The following PRELID2 variants were observed in gnomAD, a reference collection of about 807,000 sequenced individuals.
The protein encoded by PRELID2 is PRELI domain-containing protein 2.
Under a neutral mutation model 28.4 loss-of-function variants are expected in PRELID2, and 25 were observed. That is an observed-to-expected ratio of 0.88 (90% CI 0.64 to 1.23). PRELID2 has a LOEUF of 1.23. PRELID2 is among the 50% of genes most tolerant of loss of function. PRELID2 has a pLI of 0.00. For synonymous variants in PRELID2, 76 were observed against 71.6 expected (o/e 1.06, Z -0.31); for missense variants, 201 against 214.4 (o/e 0.94, Z 0.39).
the PRELID2 span, among the ~76,000 whole-genome samples, chr5:145,327,263 A>C: frequency 1.3e-5 from 2 of 151,978 alleles, no homozygotes; most frequent in African/African-American, 4.8e-5. Context: ...TCCCTCTTTA[A>C]TTATGTGAAT....
intron 1 of PRELID2, among the ~76,000 whole-genome samples, chr5:145,507,972 T>C (rs1235486783): frequency 6.6e-6 from 1 of 152,124 alleles, no homozygotes; most frequent in African/African-American, 2.4e-5. Context: ...CTAATGTTAG[T>C]TCTCCTAGTT....
At chr5:145,819,875 C>T in intron 3 of PRELID2, 70 bp downstream of exon 3, 3 of 974,358 alleles carry the variant, frequency 3.1e-6, no homozygotes, top group Non-Finnish European at 4.9e-6. Context: ...TCAGAAAATG[C>T]TGTTCCTTTT....
chr5:145,550,081 G>C (rs1411215330), intron 1 of PRELID2, among the ~76,000 whole-genome samples: 1 of 152,180 alleles, frequency 6.6e-6, no homozygotes, highest in Admixed American at 6.5e-5. Flanking sequence ...TTGACTATGA[G>C]CAGGGTTTAG....
chr5:145,371,232 A>G, the PRELID2 span, among the ~76,000 whole-genome samples: 41 of 152,232 alleles, frequency 2.7e-4, no homozygotes, highest in East Asian at 7.5e-3. Flanking sequence ...CCCATTCAAT[A>G]TGATATTGGC....
intron 5 of PRELID2, among the ~76,000 whole-genome samples, chr5:145,787,064 G>T (rs1272670749): frequency 6.6e-6 from 1 of 152,078 alleles, no homozygotes; most frequent in African/African-American, 2.4e-5. Context: ...CTAATAATGG[G>T]GCCTTGCCAG....
At chr5:145,801,478 A>G (rs1753137667) in intron 4 of PRELID2, among the ~76,000 whole-genome samples, 2 of 152,212 alleles carry the variant, frequency 1.3e-5, no homozygotes, top group African/African-American at 4.8e-5. Flanking sequence ...GCCTACAGAG[A>G]GGACTCTCCA....
At chr5:145,643,951 C>T (rs1239606068) in intron 1 of PRELID2, among the ~76,000 whole-genome samples, 1 of 152,068 alleles carries the variant, frequency 6.6e-6, no homozygotes, top group African/African-American at 2.4e-5. Flanking sequence ...CTATATTCAT[C>T]AGTGATATTG....
chr5:145,749,748 A>G (rs190100396), intron 1 of PRELID2, among the ~76,000 whole-genome samples: 7 of 152,316 alleles, frequency 4.6e-5, no homozygotes, highest in Admixed American at 3.9e-4. Context: ...GATAAAGAAA[A>G]TGTGGTACAT....
chr5:145,711,698 A>C (rs1755699595), intron 1 of PRELID2, among the ~76,000 whole-genome samples: 1 of 144,574 alleles, frequency 6.9e-6, no homozygotes, highest in South Asian at 2.2e-4. Flanking sequence ...CCTCCAATGC[A>C]CTCCAGTCCC....
chr5:145,321,649 C>A, the PRELID2 span, among the ~76,000 whole-genome samples: 1 of 152,158 alleles, frequency 6.6e-6, no homozygotes, highest in Non-Finnish European at 1.5e-5. Flanking sequence ...AAAGCACTGA[C>A]GTTTGGATAT....
chr5:145,785,579 C>T (rs1447398550), intron 5 of PRELID2, among the ~76,000 whole-genome samples: 1 of 152,210 alleles, frequency 6.6e-6, no homozygotes, highest in East Asian at 1.9e-4. Context: ...AGCAACCTCG[C>T]TCTCCAGAAA....
At chr5:145,369,279 TCAACACC>T in the PRELID2 span, among the ~76,000 whole-genome samples, 1 of 151,862 alleles carries the variant, frequency 6.6e-6, no homozygotes, top group African/African-American at 2.4e-5. Flanking sequence ...CCCTAGCCCC[TCAACACC>T]CAACAGGCCC....
intron 1 of PRELID2, among the ~76,000 whole-genome samples, chr5:145,502,233 A>G (rs1041018365): frequency 1.3e-5 from 2 of 151,006 alleles, no homozygotes; most frequent in African/African-American, 2.4e-5. Context: ...GAGCAGGAGG[A>G]AGAGAGAGAG....
chr5:145,573,130 T>G (rs1314767864), intron 1 of PRELID2, among the ~76,000 whole-genome samples: 1 of 152,138 alleles, frequency 6.6e-6, no homozygotes. Context: ...ATAATGAGAA[T>G]AGGGGCTGCC....
chr5:145,418,981 T>C, the PRELID2 span, among the ~76,000 whole-genome samples: 1 of 150,892 alleles, frequency 6.6e-6, no homozygotes, highest in Admixed American at 6.6e-5. Flanking sequence ...TATGTGGTGT[T>C]TGGTTTTTTG....
the PRELID2 span, among the ~76,000 whole-genome samples, chr5:145,247,649 G>C: frequency 6.6e-6 from 1 of 152,124 alleles, no homozygotes; most frequent in African/African-American, 2.4e-5. Flanking sequence ...GCCCAGGCCT[G>C]CAGCAGAGAA....
chr5:145,684,674 T>A (rs1040986882), intron 1 of PRELID2, among the ~76,000 whole-genome samples: 18 of 152,212 alleles, frequency 1.2e-4, no homozygotes, highest in African/African-American at 4.3e-4. Context: ...GGACTTGAAC[T>A]TAAATCCATC....
the PRELID2 span, among the ~76,000 whole-genome samples, chr5:145,301,926 ATTTCTT>A: frequency 2.7e-5 from 2 of 73,946 alleles, no homozygotes; most frequent in Non-Finnish European, 5.3e-5. Context: ...AACTTTATTC[ATTTCTT>A]TTTTTTTTTT....
chr5:145,408,122 C>T, the PRELID2 span, among the ~76,000 whole-genome samples: 1 of 151,972 alleles, frequency 6.6e-6, no homozygotes, highest in Admixed American at 6.6e-5. Context: ...TGAGGAATTA[C>T]CCCATGGCAG....
Sources: gnomAD v4.1 joint callset for allele counts (sites outside exome capture counted in the v4.1 genomes callset) on GRCh38, gnomAD v4.1.1 for gene constraint, MANE v1.5 for transcripts, NCBI Gene and HGNC (gene_info 2026-07-23, HGNC 2026-07-21) for gene names.